The following PTPN5 variants were observed in gnomAD, a reference collection of about 807,000 sequenced individuals.
The protein encoded by PTPN5 is protein tyrosine phosphatase non-receptor type 5.
PTPN5 carries 29 observed loss-of-function variants against 73.9 expected under a neutral mutation model. The ratio of observed to expected loss-of-function variants is 0.39; its 90% confidence interval spans 0.29 to 0.54. PTPN5 has a LOEUF of 0.54. Among genes scored for constraint, PTPN5 ranks in the 20% least tolerant of loss-of-function variants. PTPN5 has a pLI of 0.65. For missense variants in PTPN5, 652 were observed against 751.4 expected (o/e 0.87, Z 1.55); for synonymous variants, 267 against 304.7 (o/e 0.88, Z 1.29).
intron 1 of PTPN5, among the ~76,000 whole-genome samples, chr11:18,772,536 G>T (rs574877484): frequency 6.6e-6 from 1 of 152,298 alleles, no homozygotes; most frequent in South Asian, 2.1e-4. Flanking sequence ...AGTGTTCTCT[G>T]CTTGGGATGT....
intron 3 of PTPN5, among the ~76,000 whole-genome samples, chr11:18,746,587 A>G (rs887668631): frequency 1.3e-4 from 9 of 68,184 alleles, no homozygotes; most frequent in Non-Finnish European, 2.8e-4. Flanking sequence ...TAATGCTAAC[A>G]CATAATTAAT....
chr11:18,780,295 G>A (rs1851359773), intron 1 of PTPN5, among the ~76,000 whole-genome samples: 1 of 152,128 alleles, frequency 6.6e-6, no homozygotes, highest in African/African-American at 2.4e-5. Flanking sequence ...GAAAGGGCGG[G>A]TAAAAGAACT....
chr11:18,786,197 A>T (rs1185019159), intron 1 of PTPN5, among the ~76,000 whole-genome samples: 1 of 92,590 alleles, frequency 1.1e-5, no homozygotes, highest in Non-Finnish European at 2.0e-5. Context: ...AATGGGGGGA[A>T]TCTATTTTTT....
intron 12 of PTPN5, among the ~76,000 whole-genome samples, 154 bp downstream of exon 12, chr11:18,732,438 C>T (rs1848922351): frequency 6.6e-6 from 1 of 152,194 alleles, no homozygotes; most frequent in Non-Finnish European, 1.5e-5. Flanking sequence ...CAAGTCCATT[C>T]ACCTCTCACT....
chr11:18,740,629 G>C lies in PTPN5; in HGVS notation c.889C>G (p.Pro297Ala). 6.3e-7 allele frequency: 1 copy of C among 1,579,244 alleles called. No individual in the cohort carries two copies. Among genetic ancestry groups the C allele is most frequent in the Non-Finnish European group, 8.6e-7 (1 of 1,163,556 alleles). ...AAGAATTCCGCCTGCAGCAGGAAAG[G>C]GTCCAGGGCCTTTTCATGAAGCTCT... ...AEELHEKALD[P>A]FLLQAEFFEI... The change falls in exon 8 of 15, where the codon CCT becomes GCT. Residue 297 changes from proline to alanine, a missense_variant. Physicochemically the swap from Pro to Ala is conservative, Grantham distance 27. Transcript: ENST00000358540.
At chr11:18,744,905 T>C (rs754445175) in intron 3 of PTPN5, among the ~76,000 whole-genome samples, 1 of 152,254 alleles carries the variant, frequency 6.6e-6, no homozygotes, top group South Asian at 2.1e-4. Flanking sequence ...TTTTTCTAAC[T>C]GTGCTTTACA....
intron 1 of PTPN5, among the ~76,000 whole-genome samples, chr11:18,774,239 G>C (rs2134329151): frequency 6.6e-6 from 1 of 152,370 alleles, no homozygotes; most frequent in South Asian, 2.1e-4. Flanking sequence ...TGACTATCAT[G>C]GTGACTGGTG....
chr11:18,772,216 C>A, intron 1 of PTPN5, 145 bp from the exon 2 acceptor site: 2 of 525,004 alleles, frequency 3.8e-6, no homozygotes, highest in Non-Finnish European at 3.3e-6. Flanking sequence ...CCTCTTGCTA[C>A]ACAGACAGCC....
Position 18,742,359 on chromosome 11 carries a change from G to A in PTPN5, c.628C>T (p.Pro210Ser). Residue 210 changes from proline to serine, a missense_variant, in exon 7 of 15, where the codon CCG becomes TCG. Pro to Ser is a moderately conservative substitution (Grantham distance 74). Around this residue, in one of 3 missense-constraint regions of PTPN5, gnomAD observed 529 missense variants for 573.9 expected, o/e 0.92. Transcript: ENST00000358540. This position sits in a 1 kb window ranked among gnomAD's most constrained non-coding sequence, Gnocchi z 4.1. ...KIEDDFLDLD[P>S]VPETPVFDCV... is the part of the protein sequence containing the mutation. ...TCAAACACAGGAGTCTCGGGCACCG[G>A]GTCGAGGTCCAGGAAGTCATCCTCG... The A allele has an allele frequency of 1.2e-6, 2 of 1,614,156 alleles. No homozygotes were observed. Among genetic ancestry groups the A allele is most frequent in the African/African-American group, 1.3e-5 (1 of 75,018 alleles).
intron 3 of PTPN5, among the ~76,000 whole-genome samples, chr11:18,744,513 C>A (rs1389612562): frequency 6.6e-6 from 1 of 151,518 alleles, no homozygotes; most frequent in Non-Finnish European, 1.5e-5. Context: ...AAACAAAAAA[C>A]AACCACCTCA....
intron 2 of PTPN5, among the ~76,000 whole-genome samples, chr11:18,768,934 T>C (rs186354084): frequency 1.2e-4 from 19 of 152,112 alleles, no homozygotes; most frequent in African/African-American, 4.6e-4. Flanking sequence ...TGCTCTCTCC[T>C]TCCCCACTTC....
At chr11:18,746,162 A>ATAT (rs1849612886) in intron 3 of PTPN5, among the ~76,000 whole-genome samples, 5 of 67,670 alleles carry the variant, frequency 7.4e-5, no homozygotes, top group African/African-American at 2.2e-4. Flanking sequence ...TATAAATATA[A>ATAT]ATATATATAT....
intron 3 of PTPN5, among the ~76,000 whole-genome samples, chr11:18,764,861 C>T (rs540349130): frequency 1.3e-5 from 2 of 152,158 alleles, no homozygotes; most frequent in South Asian, 2.1e-4. Flanking sequence ...TACAGGCGCC[C>T]GCCACCACGC....
Position 18,742,128 on chromosome 11 carries a change from CAT to C in PTPN5, c.725+132_725+133del. Reference sequence around the variant, plus strand: ...ATCTCTATGAATGACCTGGATAGCACATGTCTACACTGGCTAAGCTATAAGGC... The same window carrying C: ...ATCTCTATGAATGACCTGGATAGCACGTCTACACTGGCTAAGCTATAAGGC... On this transcript the variant is annotated intron_variant, in intron 7 of 14. Transcript: ENST00000358540. This position sits in a 1 kb window ranked among gnomAD's most constrained non-coding sequence, Gnocchi z 4.1. 3 of 1,231,866 alleles carry C rather than the reference CAT, an allele frequency of 2.4e-6. No individual in the cohort carries two copies. The highest frequency in any genetic ancestry group is 3.4e-6 in the Non-Finnish European group (3 of 878,706). 76.3% of individuals were successfully genotyped at this position (1,231,866 alleles called of 1,614,324 possible).
chr11:18,780,700 G>A (rs1851378872), intron 1 of PTPN5, among the ~76,000 whole-genome samples: 1 of 152,126 alleles, frequency 6.6e-6, no homozygotes, highest in Non-Finnish European at 1.5e-5. Context: ...CCTGTCCCGG[G>A]CTGCTCCCTG....
chr11:18,790,440 CTCAG>C (rs1025699301), intron 1 of PTPN5, among the ~76,000 whole-genome samples: 2 of 152,170 alleles, frequency 1.3e-5, no homozygotes, highest in Non-Finnish European at 2.9e-5. Context: ...GACACTCAGG[CTCAG>C]TGTGTCCTGG....
intron 1 of PTPN5, among the ~76,000 whole-genome samples, 170 bp from the exon 2 acceptor site, chr11:18,772,241 A>G (rs979064137): frequency 6.6e-6 from 1 of 152,178 alleles, no homozygotes; most frequent in Non-Finnish European, 1.5e-5. Flanking sequence ...ATCAGAACTC[A>G]GTATTTATAT....
chr11:18,743,004 G>T lies in PTPN5; in HGVS notation c.471C>A (p.Leu157=). ...GGAGGCGCCTTACCAGGGTGGTAACGAGGACCAGGCCCACGGACAGAAAGA... is the reference window on the plus strand; with the variant it reads ...GGAGGCGCCTTACCAGGGTGGTAACTAGGACCAGGCCCACGGACAGAAAGA... The part of the protein sequence containing the change: ...LLVFLSVGLV[L]VTTLVWHLLR... Residue 157 remains leucine (L), a synonymous_variant, in exon 6 of 15, where the codon CTC becomes CTA. Coordinates refer to ENST00000358540, the MANE Select transcript of PTPN5 (RefSeq NM_006906.2). 1.3e-6 allele frequency: 2 copies of T among 1,551,126 alleles called. No homozygotes were observed. The highest frequency in any genetic ancestry group is 1.7e-6 in the Non-Finnish European group (2 of 1,146,458).
intron 3 of PTPN5, among the ~76,000 whole-genome samples, chr11:18,759,175 A>G (rs1216050883): frequency 2.6e-5 from 4 of 152,180 alleles, no homozygotes; most frequent in Non-Finnish European, 5.9e-5. Context: ...AACACAAAGG[A>G]AAAAAAGGTT....
Sources: gnomAD v4.1 joint callset for allele counts (sites outside exome capture counted in the v4.1 genomes callset) on GRCh38, gnomAD v4.1.1 for gene constraint, gnomAD v4.1.1 regional missense constraint, Gnocchi (gnomAD v3.1) non-coding constraint, MANE v1.5 for transcripts, NCBI Gene and HGNC (gene_info 2026-07-23, HGNC 2026-07-21) for gene names.